Variants in NEURL4 observed in about 807,000 individuals in gnomAD.
NEURL4 encodes neuralized E3 ubiquitin protein ligase 4, also known as neuralized-like protein 4.
Under a neutral mutation model 148.0 loss-of-function variants are expected in NEURL4, and 45 were observed. The observed-to-expected ratio is 0.30, with a 90% CI of 0.24 to 0.39. NEURL4 has a LOEUF of 0.39. Ranked by LOEUF, NEURL4 falls within the 10% of genes least tolerant of loss-of-function variation. The pLI is 1.00. For synonymous variants in NEURL4, 854 were observed against 869.0 expected, an observed-to-expected ratio of 0.98 and a Z score of 0.30; for missense variants, 1,776 against 2,144.0, an observed-to-expected ratio of 0.83 and a Z score of 3.39.
At chr17:7,317,991 C>T in intron 25 of NEURL4, 59 bp from the exon 26 acceptor site, 1 of 1,613,310 alleles carries the variant, frequency 6.2e-7, no homozygotes, top group Non-Finnish European at 8.5e-7. Context: ...CACAGTGGCA[C>T]CCTCCAGCTG....
chr17:7,327,975 G>C lies in NEURL4; in HGVS notation c.283-91C>G. 1 of 1,030,196 alleles carries C rather than the reference G, an allele frequency of 9.7e-7. No homozygotes were observed. Among genetic ancestry groups the C allele is most frequent in the African/African-American group, 1.6e-5 (1 of 61,860 alleles). 63.8% of individuals were successfully genotyped at this position (1,030,196 alleles called of 1,614,324 possible). On this transcript the variant is annotated intron_variant, in intron 1 of 28. Coordinates refer to ENST00000399464, the MANE Select transcript of NEURL4 (RefSeq NM_032442.3). This position sits in a 1 kb window ranked among gnomAD's most constrained non-coding sequence, Gnocchi z 6.6. ...TTCCCACCTCTCAGACAGCTAGCTG[G>C]CTTTCTGTCTCTTGGAACACTAATC...
intron 8 of NEURL4, 31 bp downstream of exon 8, chr17:7,325,178 T>G: frequency 1.7e-6 from 1 of 592,138 alleles, no homozygotes; most frequent in Non-Finnish European, 2.8e-6. Context: ...GAATCCCTTC[T>G]TCAGGCTTCT....
Position 7,325,378 on chromosome 17 carries a change from T to C in NEURL4, c.1462A>G (p.Ser488Gly). The C allele has an allele frequency of 3.1e-6, 5 of 1,613,420 alleles. No individual in the cohort carries two copies. Among genetic ancestry groups the C allele is most frequent in the Non-Finnish European group, 1.7e-6 (2 of 1,179,998 alleles). Residue 488 changes from serine (S) to glycine (G), a missense_variant, in exon 8 of 29, where the codon AGT becomes GGT. Ser to Gly is a moderately conservative substitution (Grantham distance 56, BLOSUM62 0). Transcript: ENST00000399464. Reference protein sequence around the residue: ...KVTIVHNNNHSDRLRRNNAIL... With the variant: ...KVTIVHNNNHGDRLRRNNAIL... ...GCGTTGTTTCGGCGGAGACGGTCAC[T>C]GTGGTTGTTATTGTGGACGATGGTC...
At chr17:7,320,655 T>C (rs1597632734) in intron 21 of NEURL4, 104 bp downstream of exon 21, 2 of 1,035,304 alleles carry the variant, frequency 1.9e-6, no homozygotes, top group South Asian at 1.6e-5. Context: ...CTCATCCAAG[T>C]GGCTTGCTTT....
In NEURL4 at chr17:7,326,486, G is replaced by A. The variant is rs751245433; in HGVS notation, c.1155C>T (p.His385=). The A allele has an allele frequency of 8.1e-6, 13 of 1,614,050 alleles. No homozygotes were observed. The highest frequency in any genetic ancestry group is 3.3e-5 in the Admixed American group (2 of 60,006). Residue 385 remains histidine (H), a synonymous_variant, in exon 5 of 29, where the codon CAC becomes CAT. Transcript: ENST00000399464. The surrounding 1 kb of genome is among the most constrained non-coding windows in gnomAD (Gnocchi z 6.0). ...CTGGGTACTCCAAACTGTTGGGGTT[G>A]TGGGTGGTGACCCCAATCTCAATGG... is the stretch of plus-strand genomic sequence containing the variant. The part of the protein sequence containing the change: ...SGSIEIGVTT[H]NPNSLEYPAT...
Position 7,317,378 on chromosome 17 carries a change from G to T in NEURL4, c.4319-8C>A, listed in dbSNP as rs62059198. ...TCAGGATGGAGGCAGTACCTGGGAG[G>T]AGAACTGGGTCAGGATAGCCCTTTT... is the stretch of plus-strand genomic sequence containing the variant. On this transcript the variant is annotated splice_region_variant and splice_polypyrimidine_tract_variant and intron_variant, in intron 27 of 28. Coordinates refer to ENST00000399464, the MANE Select transcript of NEURL4 (RefSeq NM_032442.3). 473,175 of 1,584,508 alleles carry T rather than the reference G, an allele frequency of 0.3. 75,339 individuals carry two copies. The highest frequency in any genetic ancestry group is 0.33 in the Non-Finnish European group (385,921 of 1,163,134).
Position 7,317,843 on chromosome 17 carries a change from C to CTCTGCGCCTGTGGGCCTCG in NEURL4, c.4131_4149dup (p.Gly1384ArgfsTer157). 1 of 1,614,140 alleles carries CTCTGCGCCTGTGGGCCTCG rather than the reference C, an allele frequency of 6.2e-7. No individual in the cohort carries two copies. Among genetic ancestry groups the CTCTGCGCCTGTGGGCCTCG allele is most frequent in the Non-Finnish European group, 8.5e-7 (1 of 1,180,040 alleles). ...AGTGCATATTCCCGGGGAGGCTCCC[C>CTCTGCGCCTGTGGGCCTCG]TCTGCGCCTGTGGGCCTCGTCTCCT... On this transcript the variant is annotated frameshift_variant, in exon 26 of 29. Coordinates refer to ENST00000399464, the MANE Select transcript of NEURL4 (RefSeq NM_032442.3). LOFTEE classifies it high-confidence loss of function.
chr17:7,325,710 C>T lies in NEURL4; in HGVS notation c.1297G>A (p.Gly433Ser), dbSNP rs1328210285. Reference protein sequence around the residue: ...CEFSLDELQEGDHIGLTRKSN... With the variant: ...CEFSLDELQESDHIGLTRKSN... ...TTCCTTGTGAGGCCAATGTGGTCAC[C>T]CTCCTAATCAAAGAAGACAAACAGT... The change falls in exon 7 of 29, where the codon GGT (glycine) becomes AGT (serine). Residue 433 changes from glycine (G) to serine (S), a missense_variant. Physicochemically the swap from Gly to Ser is moderately conservative, Grantham distance 56 (BLOSUM62 0). Coordinates refer to ENST00000399464, the MANE Select transcript of NEURL4 (RefSeq NM_032442.3). The T allele has an allele frequency of 8.7e-6, 14 of 1,613,424 alleles. No individual in the cohort carries two copies. The highest frequency in any genetic ancestry group is 3.3e-5 in the Admixed American group (2 of 59,998).
At position 7,324,987 on chromosome 17, in the gene NEURL4, G is replaced by GT. The variant is rs1344646650; in HGVS notation, c.1632-8_1632-7insA. ...ATTGAAGTCATCGGTGGCACTGAGGGCACAGCAAGTGGAGAGTCAGATCCC... is the reference window on the plus strand; with the variant it reads ...ATTGAAGTCATCGGTGGCACTGAGGGTCACAGCAAGTGGAGAGTCAGATCCC... On this transcript the variant is annotated splice_polypyrimidine_tract_variant and splice_region_variant and intron_variant, in intron 8 of 28. Coordinates refer to ENST00000399464, the MANE Select transcript of NEURL4 (RefSeq NM_032442.3). The surrounding 1 kb of genome is among the most constrained non-coding windows in gnomAD (Gnocchi z 5.9). 6.2e-7 allele frequency: 1 copy of GT among 1,613,542 alleles called. No homozygotes were observed. Among genetic ancestry groups the GT allele is most frequent in the African/African-American group, 1.3e-5 (1 of 74,888 alleles).
At position 7,315,987 on chromosome 17, in the gene NEURL4, C is replaced by G. The variant is rs756832632; in HGVS notation, c.*136G>C. The G allele has an allele frequency of 6.8e-5, 44 of 651,214 alleles. No individual in the cohort carries two copies. The highest frequency in any genetic ancestry group is 1.1e-4 in the Non-Finnish European group (40 of 355,672). 40.3% of individuals were successfully genotyped at this position (651,214 alleles called of 1,614,324 possible). A position where few individuals can be genotyped will look rare whatever the true frequency, so the allele number is the denominator to read the frequency against. On this transcript the variant is annotated 3_prime_UTR_variant, in exon 29 of 29. Coordinates refer to ENST00000399464, the MANE Select transcript of NEURL4 (RefSeq NM_032442.3). ...TTGCCACCTACATCTGAGAGCCTGCCTACATGCTCCTGCGCGGCTGCCAAG... is the reference window on the plus strand; with the variant it reads ...TTGCCACCTACATCTGAGAGCCTGCGTACATGCTCCTGCGCGGCTGCCAAG...
chr17:7,319,329 T>C (rs1023974720), intron 21 of NEURL4, 121 bp from the exon 22 acceptor site: 8 of 672,322 alleles, frequency 1.2e-5, no homozygotes, highest in African/African-American at 3.8e-5. Context: ...CCTTTTCTTA[T>C]GCTTGGAAGG....
chr17:7,328,954 T>A, intron 1 of NEURL4, 77 bp downstream of exon 1: 2 of 1,373,920 alleles, frequency 1.5e-6, no homozygotes. Context: ...TGGGCTACCC[T>A]GGCTGTCCTA....
At position 7,327,622 on chromosome 17, in the gene NEURL4, G is replaced by A; in HGVS notation, c.545C>T (p.Ala182Val). Residue 182 changes from alanine (A) to valine (V), a missense_variant, in exon 2 of 29, where the codon GCC (alanine) becomes GTC (valine). Transcript: ENST00000399464. The surrounding 1 kb of genome is among the most constrained non-coding windows in gnomAD (Gnocchi z 6.6). ...CCAGACACGAGGGGGCAGGCCTGTG[G>A]CAGCCACACCGCAATCCCGCCCATT... ...WVNGRDCGVA[A>V]TGLPPRVWAV... 3.1e-6 allele frequency: 5 copies of A among 1,612,870 alleles called. No homozygotes were observed. The South Asian group carries it at 5.5e-5, about 18-fold the overall frequency.
chr17:7,321,040 A>C lies in NEURL4; in HGVS notation c.3360+72T>G. The C allele has an allele frequency of 6.3e-7, 1 of 1,593,862 alleles. No homozygotes were observed. Among genetic ancestry groups the C allele is most frequent in the Middle Eastern group, 1.9e-4 (1 of 5,352 alleles). ...TCCACCCAACGATCAGAGAACCCAG[A>C]AAAGGCCTGGCATCCAACGGCCCAG... On this transcript the variant is annotated intron_variant, in intron 20 of 28. Transcript: ENST00000399464. The surrounding 1 kb of genome is among the most constrained non-coding windows in gnomAD (Gnocchi z 6.3).
Position 7,323,655 on chromosome 17 carries a change from A to T in NEURL4, c.2330T>A (p.Ile777Asn). ...QKMVDRWSGS[I>N]EAGVTAIRPE... Reference sequence around the variant, plus strand: ...ACACAGACGGCCCTCACCAGCCTCAATGGAGCCTGACCAGCGGTCCACCAT... The same window carrying T: ...ACACAGACGGCCCTCACCAGCCTCATTGGAGCCTGACCAGCGGTCCACCAT... Residue 777 changes from isoleucine (I) to asparagine (N), a missense_variant, in exon 13 of 29, where the codon ATT (isoleucine) becomes AAT (asparagine). Ile to Asn is a moderately radical substitution (Grantham distance 149, BLOSUM62 -3). Transcript: ENST00000399464. 3 of 1,613,566 alleles carry T rather than the reference A, an allele frequency of 1.9e-6. No individual in the cohort carries two copies. Among genetic ancestry groups the T allele is most frequent in the Non-Finnish European group, 2.5e-6 (3 of 1,179,758 alleles).
Position 7,324,383 on chromosome 17 carries a change from C to T in NEURL4, c.1899+12G>A. ...CCGCTGCGGCCGCCAGGCGGCGCACCCACTTTCCCACCTTGAGGCGGTCCA... is the reference window on the plus strand; with the variant it reads ...CCGCTGCGGCCGCCAGGCGGCGCACTCACTTTCCCACCTTGAGGCGGTCCA... On this transcript the variant is annotated intron_variant, in intron 10 of 28. Coordinates refer to ENST00000399464, the MANE Select transcript of NEURL4 (RefSeq NM_032442.3). The surrounding 1 kb of genome is among the most constrained non-coding windows in gnomAD (Gnocchi z 5.9). 1.2e-6 allele frequency: 2 copies of T among 1,614,072 alleles called. No homozygotes were observed. Among genetic ancestry groups the T allele is most frequent in the Non-Finnish European group, 1.7e-6 (2 of 1,179,966 alleles).
In NEURL4 at chr17:7,324,375, C is replaced by G. The variant is rs74839010; in HGVS notation, c.1899+20G>C. 1.2e-6 allele frequency: 2 copies of G among 1,614,004 alleles called. No homozygotes were observed. The highest frequency in any genetic ancestry group is 2.2e-5 in the South Asian group (2 of 91,080). On this transcript the variant is annotated intron_variant, in intron 10 of 28. Transcript: ENST00000399464. This position sits in a 1 kb window ranked among gnomAD's most constrained non-coding sequence, Gnocchi z 5.9. ...TGTGATGCCCGCTGCGGCCGCCAGG[C>G]GGCGCACCCACTTTCCCACCTTGAG...
chr17:7,327,572 A>C lies in NEURL4; in HGVS notation c.595T>G (p.Cys199Gly). Residue 199 changes from cysteine to glycine, a missense_variant, in exon 2 of 29, where the codon TGC becomes GGC. Physicochemically the swap from Cys to Gly is radical, Grantham distance 159. Transcript: ENST00000399464. This position sits in a 1 kb window ranked among gnomAD's most constrained non-coding sequence, Gnocchi z 6.6. The part of the protein sequence containing the change: ...VWAVVDLYGK[C>G]TQITVLPPEP... ...GGGGGTAGCACGGTGATCTGGGTGC[A>C]CTTGCCATAAAGGTCCACGACGGCC... 1 of 1,611,368 alleles carries C rather than the reference A, an allele frequency of 6.2e-7. No individual in the cohort carries two copies. Among genetic ancestry groups the C allele is most frequent in the Non-Finnish European group, 8.5e-7 (1 of 1,179,694 alleles).
Position 7,318,431 on chromosome 17 carries a change from T to C in NEURL4, c.3864+64A>G. 6.2e-7 allele frequency: 1 copy of C among 1,610,388 alleles called. No individual in the cohort carries two copies. The highest frequency in any genetic ancestry group is 1.3e-5 in the African/African-American group (1 of 74,956). ...GCTGATCCCTCCCTGGAACAGAGAT[T>C]TCCCCTGTCCTGGACAGCGCAGACT... is the stretch of plus-strand genomic sequence containing the variant. On this transcript the variant is annotated intron_variant, in intron 23 of 28. Coordinates refer to ENST00000399464, the MANE Select transcript of NEURL4 (RefSeq NM_032442.3). The surrounding 1 kb of genome is among the most constrained non-coding windows in gnomAD (Gnocchi z 4.3).
Sources: gnomAD v4.1 joint callset for allele counts on GRCh38, gnomAD v4.1.1 for gene constraint, Gnocchi (gnomAD v3.1) non-coding constraint, MANE v1.5 for transcripts, NCBI Gene and HGNC (gene_info 2026-07-23, HGNC 2026-07-21) for gene names.